DLGAP1: variants seen among roughly 807,000 people sequenced by gnomAD.
DLGAP1 encodes the protein disks large-associated protein 1.
DLGAP1 carries 11 observed loss-of-function variants against 90.8 expected under a neutral mutation model. The observed-to-expected ratio is 0.12, with a 90% CI of 0.08 to 0.20. The LOEUF (loss-of-function observed/expected upper bound fraction) is 0.20, where lower values mean the gene tolerates loss of function less well. Ranked by LOEUF, DLGAP1 falls within the 10% of genes least tolerant of loss-of-function variation. The pLI is 1.00. For synonymous variants in DLGAP1, 558 were observed against 540.7 expected (o/e 1.03, Z -0.44); for missense variants, 1,050 against 1,333.8 (o/e 0.79, Z 3.31).
intron 1 of DLGAP1, among the ~76,000 whole-genome samples, chr18:4,301,089 T>G (rs2080114359): frequency 6.6e-6 from 1 of 152,184 alleles, no homozygotes; most frequent in Admixed American, 6.5e-5. Context: ...TCAGACCAAT[T>G]AACATATCTA....
In DLGAP1 at chr18:3,819,816, T is replaced by C. The variant is rs1359733661; in HGVS notation, c.958-5543A>G. ...TGACATGTCTTTTGGGTAACAATTG[T>C]TATTTTTTGATAAACTACAAAGCAC... On this transcript the variant is annotated intron_variant, in intron 4 of 12. Transcript: ENST00000315677. Among the ~76,000 whole-genome samples the C allele has an allele frequency of 2.6e-5, 4 of 152,226 alleles. No homozygotes were observed. In the East Asian group the frequency reaches 7.7e-4, roughly 29 times the overall value.
chr18:3,913,102 CTTTGTTTTTTGT>C lies in DLGAP1; in HGVS notation c.-72-32974_-72-32963del, dbSNP rs1389899801. The stretch of plus-strand genomic sequence containing the variant: ...TAGGATTCCTTAGTGGGAAGAGATA[CTTTGTTTTTTGT>C]TTTGTTTTGTTTTTGAGACAGGGTC... On this transcript the variant is annotated intron_variant, in intron 3 of 12. Transcript: ENST00000315677. 3.3e-5 allele frequency among the ~76,000 whole-genome samples: 5 copies of C among 152,040 alleles called. No individual in the cohort carries two copies. In the East Asian group the frequency reaches 9.7e-4, roughly 29 times the overall value.
chr18:4,451,156 C>G (rs928959304), intron 1 of DLGAP1, among the ~76,000 whole-genome samples: 2 of 152,202 alleles, frequency 1.3e-5, no homozygotes, highest in Non-Finnish European at 2.9e-5. Context: ...CTGTCCCCTA[C>G]CATTTACTAG....
Position 3,740,482 on chromosome 18 carries a change from C to G in DLGAP1, c.1350+1853G>C, listed in dbSNP as rs575456540. 1.9e-4 allele frequency among the ~76,000 whole-genome samples: 29 copies of G among 152,232 alleles called. 1 individual carries two copies. Among genetic ancestry groups the G allele is most frequent in the African/African-American group, 6.7e-4 (28 of 41,536 alleles). The stretch of plus-strand genomic sequence containing the variant: ...CCACATGACAGCTTTCCCTGGCTCC[C>G]TCCCTACTCTGCCCTTGGAGCCTGC... On this transcript the variant is annotated intron_variant, in intron 6 of 12. Coordinates refer to ENST00000315677, the MANE Select transcript of DLGAP1 (RefSeq NM_004746.4).
chr18:4,313,476 A>C (rs2143489243), intron 1 of DLGAP1, among the ~76,000 whole-genome samples: 1 of 152,256 alleles, frequency 6.6e-6, no homozygotes, highest in Admixed American at 6.5e-5. Context: ...TATTACTTAA[A>C]ACTGCCTTTA....
chr18:4,157,690 T>C (rs6506185), intron 1 of DLGAP1, among the ~76,000 whole-genome samples: 21,503 of 152,166 alleles, frequency 0.14, 4,223 homozygotes, highest in African/African-American at 0.43. Flanking sequence ...ACTGTGCACA[T>C]GCTCAGCCAT....
intron 1 of DLGAP1, among the ~76,000 whole-genome samples, chr18:4,325,921 C>T (rs1194024968): frequency 6.6e-6 from 1 of 151,978 alleles, no homozygotes; most frequent in Non-Finnish European, 1.5e-5. Context: ...GGAAGTTAAC[C>T]TAGGAAACAC....
At chr18:3,977,883 A>C in intron 3 of DLGAP1, 1 of 378,742 alleles carries the variant, frequency 2.6e-6, no homozygotes, top group Non-Finnish European at 5.1e-6. Flanking sequence ...TCCTGATGTC[A>C]TCATATCTGG....
intron 3 of DLGAP1, among the ~76,000 whole-genome samples, chr18:3,952,259 T>C (rs2073001190): frequency 6.6e-6 from 1 of 152,214 alleles, no homozygotes; most frequent in East Asian, 1.9e-4. Flanking sequence ...TTTTATCTTT[T>C]AATGCCAGAT....
At chr18:4,071,506 A>C (rs373631114) in intron 2 of DLGAP1, among the ~76,000 whole-genome samples, 9 of 152,300 alleles carry the variant, frequency 5.9e-5, no homozygotes, top group African/African-American at 2.2e-4. Context: ...CCGACTTCCC[A>C]GGGCAGTGCC....
At chr18:4,088,345 T>G (rs946367890) in intron 2 of DLGAP1, among the ~76,000 whole-genome samples, 5 of 152,014 alleles carry the variant, frequency 3.3e-5, no homozygotes, top group Non-Finnish European at 7.3e-5. Context: ...ATGCTACTAC[T>G]TTTCCTTTAG....
chr18:3,734,261 C>T (rs1223770116), intron 6 of DLGAP1, among the ~76,000 whole-genome samples: 1 of 152,032 alleles, frequency 6.6e-6, no homozygotes, highest in Non-Finnish European at 1.5e-5. Flanking sequence ...TTCTCTCTCT[C>T]TCTCTCTAAG....
At chr18:3,530,967 TGAGA>T (rs2051953269) in intron 10 of DLGAP1, among the ~76,000 whole-genome samples, 1 of 152,046 alleles carries the variant, frequency 6.6e-6, no homozygotes. Context: ...GAGCTGTGAG[TGAGA>T]GAGTGGACAC....
At chr18:4,370,220 G>C (rs2081886294) in intron 1 of DLGAP1, among the ~76,000 whole-genome samples, 2 of 152,164 alleles carry the variant, frequency 1.3e-5, no homozygotes, top group African/African-American at 4.8e-5. Context: ...AAAGATTTTA[G>C]CTGAGCTAGA....
intron 1 of DLGAP1, among the ~76,000 whole-genome samples, chr18:4,277,475 T>C (rs1384067317): frequency 1.3e-5 from 2 of 149,134 alleles, no homozygotes; most frequent in African/African-American, 4.9e-5. Context: ...GAATAGTTTC[T>C]GTGGGTTTTC....
chr18:4,368,767 T>C lies in DLGAP1; in HGVS notation c.-267+86239A>G, dbSNP rs983215081. 1.2e-4 allele frequency among the ~76,000 whole-genome samples: 5 copies of C among 41,966 alleles called. No homozygotes were observed. The Admixed American group carries it at 1.2e-3, about 10-fold the overall frequency. The allele number at this position is 41,966 out of a possible 152,430, so 27.5% of individuals were successfully genotyped here. On this transcript the variant is annotated intron_variant, in intron 1 of 12. Coordinates refer to ENST00000315677, the MANE Select transcript of DLGAP1 (RefSeq NM_004746.4). ...AATTTTCAAGATAGTATAATATTAC[T>C]AAAGGTTTTAAATAAAGTATTAATA...
chr18:4,323,782 A>G (rs1422086616), intron 1 of DLGAP1, among the ~76,000 whole-genome samples: 2 of 152,226 alleles, frequency 1.3e-5, no homozygotes, highest in African/African-American at 2.4e-5. Flanking sequence ...TTTTGGGTTA[A>G]CAATGAAATT....
chr18:3,547,972 C>T (rs567826421), intron 9 of DLGAP1, among the ~76,000 whole-genome samples: 1 of 152,096 alleles, frequency 6.6e-6, no homozygotes, highest in Non-Finnish European at 1.5e-5. Context: ...AAGCATCACA[C>T]TAAATGAAGG....
chr18:4,057,452 G>C (rs1039238306), intron 2 of DLGAP1, among the ~76,000 whole-genome samples: 1 of 152,162 alleles, frequency 6.6e-6, no homozygotes, highest in Non-Finnish European at 1.5e-5. Flanking sequence ...AGGCCACTGC[G>C]CATGTGGACA....
Sources: gnomAD v4.1 joint callset for allele counts (sites outside exome capture counted in the v4.1 genomes callset) on GRCh38, gnomAD v4.1.1 for gene constraint, MANE v1.5 for transcripts, NCBI Gene and HGNC (gene_info 2026-07-23, HGNC 2026-07-21) for gene names.